PHF5A: variants seen among roughly 807,000 people sequenced by gnomAD.
The protein encoded by PHF5A is PHD finger-like domain-containing protein 5A.
For missense variants in PHF5A, 24 were observed against 140.6 expected (o/e 0.17, Z 4.19); for synonymous variants, 52 against 46.0 (o/e 1.13, Z -0.52).
chr22:41,465,544 C>T (rs555423736), intron 3 of PHF5A, among the ~76,000 whole-genome samples: 9 of 152,192 alleles, frequency 5.9e-5, no homozygotes, highest in Non-Finnish European at 1.2e-4. Context: ...GAGGTACTGG[C>T]GTTACTGCCT....
In PHF5A at chr22:41,460,068, A is replaced by G. The variant is rs1203685819; in HGVS notation, c.*330T>C. ...CAGTCAGTTCCTCAAGCAGAAGACTAAAATATTATTTCTTTTTAGAAGATC... is the reference window on the plus strand; with the variant it reads ...CAGTCAGTTCCTCAAGCAGAAGACTGAAATATTATTTCTTTTTAGAAGATC... On this transcript the variant is annotated 3_prime_UTR_variant, in exon 4 of 4. Coordinates refer to ENST00000216252, the MANE Select transcript of PHF5A (RefSeq NM_032758.4). 6.1e-6 allele frequency: 1 copy of G among 164,792 alleles called. No individual in the cohort carries two copies. The highest frequency in any genetic ancestry group is 6.4e-5 in the Admixed American group (1 of 15,584). The allele number at this position is 164,792 out of a possible 1,614,324, so 10.2% of individuals were successfully genotyped here.
intron 2 of PHF5A, 98 bp from the exon 3 acceptor site, chr22:41,467,712 T>G: frequency 7.3e-7 from 1 of 1,361,770 alleles, no homozygotes; most frequent in Non-Finnish European, 1.0e-6. Context: ...AATACACTAG[T>G]CTCCTTTTGA....
At chr22:41,464,942 T>C (rs2037854391) in intron 3 of PHF5A, among the ~76,000 whole-genome samples, 1 of 152,162 alleles carries the variant, frequency 6.6e-6, no homozygotes. Flanking sequence ...TCAGGCACTG[T>C]ATCATGACCT....
Position 41,468,134 on chromosome 22 carries a change from C to T in PHF5A, c.66G>A (p.Leu22=). 14 of 1,613,950 alleles carry T rather than the reference C, an allele frequency of 8.7e-6. No homozygotes were observed. Among genetic ancestry groups the T allele is most frequent in the Non-Finnish European group, 1.1e-5 (13 of 1,179,916 alleles). The change falls in exon 2 of 4, where the codon CTG becomes CTA. Residue 22 remains leucine (L), a synonymous_variant. Coordinates refer to ENST00000216252, the MANE Select transcript of PHF5A (RefSeq NM_032758.4). The part of the protein sequence containing the change: ...RKQAGVAIGR[L]CEKCDGKCVI... ...GTGTGTTCCACTCACATTTTTCACACAGTCTTCCGATGGCTGCAAGATGAA... is the reference window on the plus strand; with the variant it reads ...GTGTGTTCCACTCACATTTTTCACATAGTCTTCCGATGGCTGCAAGATGAA...
chr22:41,461,480 C>T (rs952840916), intron 3 of PHF5A, among the ~76,000 whole-genome samples: 79 of 151,266 alleles, frequency 5.2e-4, no homozygotes, highest in Admixed American at 4.6e-3. Flanking sequence ...CTCCGCCACC[C>T]GAGTAGCTGG....
Position 41,459,864 on chromosome 22 carries a change from T to C in PHF5A, c.*534A>G, listed in dbSNP as rs1402522682. ...TACCCCACTGTAGCTGGACAAGTGT[T>C]AAACAAGTAAATGCCTTTCAAGAGG... On this transcript the variant is annotated 3_prime_UTR_variant, in exon 4 of 4. Coordinates refer to ENST00000216252, the MANE Select transcript of PHF5A (RefSeq NM_032758.4). 1.4e-5 allele frequency: 2 copies of C among 146,780 alleles called. No individual in the cohort carries two copies. Among genetic ancestry groups the C allele is most frequent in the Non-Finnish European group, 3.0e-5 (2 of 67,106 alleles). 9.1% of individuals were successfully genotyped at this position (146,780 alleles called of 1,614,324 possible). A position where few individuals can be genotyped will look rare whatever the true frequency, so the allele number is the denominator to read the frequency against.
chr22:41,464,557 A>G (rs1357998168), intron 3 of PHF5A, among the ~76,000 whole-genome samples: 1 of 152,236 alleles, frequency 6.6e-6, no homozygotes, highest in African/African-American at 2.4e-5. Flanking sequence ...GACATCTAGA[A>G]TAAGTCTCAG....
At chr22:41,461,653 C>T (rs1344351811) in intron 3 of PHF5A, among the ~76,000 whole-genome samples, 3 of 151,384 alleles carry the variant, frequency 2.0e-5, no homozygotes, top group Admixed American at 6.6e-5. Flanking sequence ...TCACAGTGCT[C>T]GGCCATACCT....
chr22:41,468,328 G>C (rs1157598255), intron 1 of PHF5A, 181 bp from the exon 2 acceptor site: 9 of 665,684 alleles, frequency 1.4e-5, no homozygotes, highest in South Asian at 5.6e-5. Flanking sequence ...GCACCCTCCT[G>C]AATCTCCTCC....
chr22:41,460,660 G>A (rs2037820156), intron 3 of PHF5A, among the ~76,000 whole-genome samples, 173 bp from the exon 4 acceptor site: 1 of 150,898 alleles, frequency 6.6e-6, no homozygotes, highest in South Asian at 2.1e-4. Context: ...GGGCTATGAT[G>A]ATGCCTGTGA....
intron 3 of PHF5A, among the ~76,000 whole-genome samples, chr22:41,466,689 A>T (rs2037868511): frequency 6.6e-6 from 1 of 152,110 alleles, no homozygotes; most frequent in Non-Finnish European, 1.5e-5. Context: ...ACACCTGACT[A>T]ATGAAAAATA....
intron 1 of PHF5A, 126 bp from the exon 2 acceptor site, chr22:41,468,273 C>A: frequency 1.2e-6 from 1 of 823,776 alleles, no homozygotes; most frequent in Non-Finnish European, 2.0e-6. Context: ...TGCGGATAGC[C>A]ATTTTATCAT....
chr22:41,468,154 G>C lies in PHF5A; in HGVS notation c.53-7C>G. The C allele has an allele frequency of 6.2e-7, 1 of 1,613,932 alleles. No individual in the cohort carries two copies. The highest frequency in any genetic ancestry group is 8.5e-7 in the Non-Finnish European group (1 of 1,179,862). ...TCACACAGTCTTCCGATGGCTGCAAGATGAAAGATGGTAAAAAGTACAATT... is the reference window on the plus strand; with the variant it reads ...TCACACAGTCTTCCGATGGCTGCAACATGAAAGATGGTAAAAAGTACAATT... On this transcript the variant is annotated splice_region_variant and splice_polypyrimidine_tract_variant and intron_variant, in intron 1 of 3. Coordinates refer to ENST00000216252, the MANE Select transcript of PHF5A (RefSeq NM_032758.4).
chr22:41,468,209 T>G, intron 1 of PHF5A, 62 bp from the exon 2 acceptor site: 17 of 1,551,744 alleles, frequency 1.1e-5, no homozygotes, highest in Admixed American at 1.7e-5. Flanking sequence ...AGAGGAGAAG[T>G]ACATCCTCGA....
intron 3 of PHF5A, among the ~76,000 whole-genome samples, chr22:41,467,036 CT>C (rs11304465): frequency 0.76 from 108,003 of 142,268 alleles, 41,277 homozygotes; most frequent in East Asian, 0.94. Context: ...AAACAAAACA[CT>C]TTTTTTTTTT....
At chr22:41,468,505 T>C in intron 1 of PHF5A, 97 bp downstream of exon 1, 2 of 1,374,776 alleles carry the variant, frequency 1.5e-6, no homozygotes, top group Non-Finnish European at 1.0e-6. Context: ...ACGTGGCGCC[T>C]GCGAGGCAAG....
At chr22:41,465,581 T>C (rs767896324) in intron 3 of PHF5A, among the ~76,000 whole-genome samples, 1 of 152,118 alleles carries the variant, frequency 6.6e-6, no homozygotes, top group Non-Finnish European at 1.5e-5. Context: ...CCAGAAACAC[T>C]TGTAAAAGGA....
At position 41,460,313 on chromosome 22, in the gene PHF5A, G is replaced by C. The variant is rs2037817093; in HGVS notation, c.*85C>G. 1 of 1,158,618 alleles carries C rather than the reference G, an allele frequency of 8.6e-7. No individual in the cohort carries two copies. The allele number at this position is 1,158,618 out of a possible 1,614,324, so 71.8% of individuals were successfully genotyped here. ...CACTCCTGGTGATGCTCTGGGCTCT[G>C]CTCCCTTTCTGCTGGTAGTAGTAGG... On this transcript the variant is annotated 3_prime_UTR_variant, in exon 4 of 4. Transcript: ENST00000216252.
Position 41,467,677 on chromosome 22 carries a change from G to A in PHF5A, c.77-63C>T, listed in dbSNP as rs536985204. On this transcript the variant is annotated intron_variant, in intron 2 of 3. Transcript: ENST00000216252. ...TCAGTCCTCTGCTATCTCCTGCCAT[G>A]GGGAAATATACTAGTCTCCTGGGAA... 4.5e-6 allele frequency: 7 copies of A among 1,553,120 alleles called. No individual in the cohort carries two copies. The African/African-American group carries it at 6.8e-5, about 15-fold the overall frequency.
Sources: allele counts gnomAD v4.1 joint callset (sites outside exome capture counted in the v4.1 genomes callset), GRCh38; gene constraint gnomAD v4.1.1; transcripts MANE v1.5; gene names NCBI Gene and HGNC (gene_info 2026-07-23, HGNC 2026-07-21).